The following ACBD6 variants were observed in gnomAD, a reference collection of about 807,000 sequenced individuals.
ACBD6 encodes acyl-CoA binding domain containing 6.
ACBD6 carries 28 observed loss-of-function variants against 37.2 expected under a neutral mutation model. That is an observed-to-expected ratio of 0.75 (90% CI 0.56 to 1.03). ACBD6 has a LOEUF of 1.03. Ranked by LOEUF, ACBD6 falls within the 50% of genes least tolerant of loss-of-function variation. The pLI is 0.00. For missense variants in ACBD6, 340 were observed against 337.4 expected (o/e 1.01, Z -0.06); for synonymous variants, 113 against 126.8 (o/e 0.89, Z 0.73).
At chr1:180,284,563 T>TCA (rs1649414540), downstream of ACBD6, among the ~76,000 whole-genome samples, 1 of 151,946 alleles carries the variant, frequency 6.6e-6, no homozygotes, top group Non-Finnish European at 1.5e-5. Flanking sequence ...ATGGGGTTTT[T>TCA]CACTTTATGT....
chr1:180,374,921 A>G (rs1653380862), intron 6 of ACBD6, among the ~76,000 whole-genome samples: 1 of 152,172 alleles, frequency 6.6e-6, no homozygotes, highest in Non-Finnish European at 1.5e-5. Flanking sequence ...TAAAACCTAT[A>G]TGAGAAAAAA....
intron 6 of ACBD6, among the ~76,000 whole-genome samples, chr1:180,325,104 T>C (rs764172867): frequency 6.6e-6 from 1 of 152,166 alleles, no homozygotes; most frequent in Non-Finnish European, 1.5e-5. Flanking sequence ...AACTGTTCTA[T>C]AACCTTCTTG....
At chr1:180,348,964 C>A (rs1292514753) in intron 6 of ACBD6, among the ~76,000 whole-genome samples, 5 of 151,996 alleles carry the variant, frequency 3.3e-5, no homozygotes, top group Admixed American at 6.6e-5. Flanking sequence ...CATTAGGAAT[C>A]AAAAATATAA....
rs376938989 is a variant in ACBD6, at chr1:180,484,210, G to A, written c.384+8059C>T. ...TGTGATCAGAGTCAATTTAGTAGTAGCCAAAAAAACAAGGTGACTGGGGTG... is the reference window on the plus strand; with the variant it reads ...TGTGATCAGAGTCAATTTAGTAGTAACCAAAAAAACAAGGTGACTGGGGTG... On this transcript the variant is annotated intron_variant, in intron 3 of 7. Coordinates refer to ENST00000367595, the MANE Select transcript of ACBD6 (RefSeq NM_032360.4). Among the ~76,000 whole-genome samples, 5 of 152,198 alleles carry A rather than the reference G, an allele frequency of 3.3e-5. No individual in the cohort carries two copies. The East Asian group carries it at 5.8e-4, about 18-fold the overall frequency.
chr1:180,479,628 G>C (rs918627708), intron 3 of ACBD6, among the ~76,000 whole-genome samples: 1 of 152,078 alleles, frequency 6.6e-6, no homozygotes, highest in African/African-American at 2.4e-5. Context: ...ACAGATACCC[G>C]AAATGCCCTG....
At chr1:180,310,329 T>C (rs1650537600) in intron 7 of ACBD6, among the ~76,000 whole-genome samples, 1 of 152,130 alleles carries the variant, frequency 6.6e-6, no homozygotes. Context: ...CACTACACTC[T>C]AGCCTGGGCG....
At chr1:180,329,812 T>C (rs1205634376) in intron 6 of ACBD6, among the ~76,000 whole-genome samples, 2 of 152,312 alleles carry the variant, frequency 1.3e-5, no homozygotes, top group East Asian at 1.9e-4. Flanking sequence ...CCAGTTGCCA[T>C]CAGTGTCACC....
Position 180,337,271 on chromosome 1 carries a change from C to T in ACBD6, c.664-22549G>A, listed in dbSNP as rs371715826. Among the ~76,000 whole-genome samples the T allele has an allele frequency of 7.4e-4, 112 of 152,080 alleles. 4 individuals carry two copies. The South Asian group carries it at 0.022, about 30-fold the overall frequency. On this transcript the variant is annotated intron_variant, in intron 6 of 7. Coordinates refer to ENST00000367595, the MANE Select transcript of ACBD6 (RefSeq NM_032360.4). ...AATCCTCAATAAAATACTGAAAAAC[C>T]GAATCCAGCAGCACATCAAAAAGCT...
intron 3 of ACBD6, among the ~76,000 whole-genome samples, chr1:180,465,295 T>C (rs1275363454): frequency 6.6e-6 from 1 of 151,962 alleles, no homozygotes; most frequent in Non-Finnish European, 1.5e-5. Context: ...CCAGCATCTA[T>C]AAGGAACTTA....
At chr1:180,388,399 T>C (rs542024297) in intron 6 of ACBD6, among the ~76,000 whole-genome samples, 44 of 152,308 alleles carry the variant, frequency 2.9e-4, no homozygotes, top group African/African-American at 1.0e-3. Context: ...CATTAAAGAA[T>C]AGTTAATACT....
chr1:180,401,749 C>A lies in ACBD6; in HGVS notation c.574-4144G>T, dbSNP rs141555519. Among the ~76,000 whole-genome samples, 754 of 143,714 alleles carry A rather than the reference C, an allele frequency of 5.2e-3. 3 individuals carry two copies. The highest frequency in any genetic ancestry group is 0.018 in the African/African-American group (699 of 38,350). 94.3% of individuals were successfully genotyped at this position (143,714 alleles called of 152,430 possible). ...GTTGCAGTGAGATGAGATCGTGCCA[C>A]TGTACTCCAGCATGGGCAACAGAGC... On this transcript the variant is annotated intron_variant, in intron 5 of 7. Coordinates refer to ENST00000367595, the MANE Select transcript of ACBD6 (RefSeq NM_032360.4).
chr1:180,457,128 C>T (rs538417906), intron 3 of ACBD6, among the ~76,000 whole-genome samples: 3 of 152,126 alleles, frequency 2.0e-5, no homozygotes, highest in African/African-American at 7.2e-5. Context: ...ATATCAAAAA[C>T]TGAAACAAGC....
At chr1:180,275,199 T>C (rs1648955229) in exon 10 of ACBD6, 2 of 152,228 alleles carry the variant, frequency 1.3e-5, no homozygotes, top group African/African-American at 4.8e-5. Context: ...AACCAGAGAA[T>C]ATGAACCTGT....
chr1:180,295,925 C>T (rs1649898974), intron 7 of ACBD6, among the ~76,000 whole-genome samples: 1 of 152,096 alleles, frequency 6.6e-6, no homozygotes. Context: ...AGTCACACAT[C>T]TCTTATTTTC....
chr1:180,483,224 C>T (rs543806089), intron 3 of ACBD6, among the ~76,000 whole-genome samples: 3 of 152,000 alleles, frequency 2.0e-5, no homozygotes, highest in Admixed American at 6.6e-5. Flanking sequence ...AATGTTCTTC[C>T]CCCTGTATGG....
intron 6 of ACBD6, among the ~76,000 whole-genome samples, chr1:180,347,935 A>G (rs1652252061): frequency 6.6e-6 from 1 of 151,806 alleles, no homozygotes; most frequent in Non-Finnish European, 1.5e-5. Flanking sequence ...ACTGGGTGAC[A>G]CAGCGAGACC....
In ACBD6 at chr1:180,412,346, T is replaced by C. The variant is rs534668248; in HGVS notation, c.573+1020A>G. Among the ~76,000 whole-genome samples, 4 of 152,274 alleles carry C rather than the reference T, an allele frequency of 2.6e-5. No individual in the cohort carries two copies. The East Asian group carries it at 7.7e-4, about 29-fold the overall frequency. On this transcript the variant is annotated intron_variant, in intron 5 of 7. Transcript: ENST00000367595. ...AACCTTTTGTATAGGGAGCTCTGAATTACATATAAGTTGATTATTATCTAT... is the reference window on the plus strand; with the variant it reads ...AACCTTTTGTATAGGGAGCTCTGAACTACATATAAGTTGATTATTATCTAT...
chr1:180,499,977 C>T (rs1238954745), intron 1 of ACBD6, among the ~76,000 whole-genome samples: 3 of 151,962 alleles, frequency 2.0e-5, no homozygotes, highest in African/African-American at 7.3e-5. Context: ...GCTGGGCATG[C>T]GGGATCATGT....
At chr1:180,485,467 A>C (rs1651224474) in intron 3 of ACBD6, among the ~76,000 whole-genome samples, 1 of 152,166 alleles carries the variant, frequency 6.6e-6, no homozygotes, top group African/African-American at 2.4e-5. Context: ...GAAAAAGGAG[A>C]GGGAGATTTG....
Sources: gnomAD v4.1 joint callset for allele counts (sites outside exome capture counted in the v4.1 genomes callset) on GRCh38, gnomAD v4.1.1 for gene constraint, MANE v1.5 for transcripts, NCBI Gene and HGNC (gene_info 2026-07-23, HGNC 2026-07-21) for gene names.